YAP1: variants seen among roughly 807,000 people sequenced by gnomAD.
The protein encoded by YAP1 is transcriptional coactivator YAP1.
YAP1 carries 5 observed loss-of-function variants against 56.9 expected under a neutral mutation model. The ratio of observed to expected loss-of-function variants is 0.09; its 90% CI spans 0.05 to 0.18. YAP1 has a LOEUF of 0.18. YAP1 is among the 10% of genes least tolerant of loss of function. YAP1 has a pLI of 1.00. For synonymous variants in YAP1, 265 were observed against 248.1 expected, an observed-to-expected ratio of 1.07 and a Z score of -0.64; for missense variants, 539 against 651.8, an observed-to-expected ratio of 0.83 and a Z score of 1.88.
chr11:102,146,550 A>G lies in YAP1; in HGVS notation c.573-15906A>G, dbSNP rs111864740. On this transcript the variant is annotated intron_variant, in intron 2 of 8. Transcript: ENST00000282441. ...GTTTAAGGCTCTCAGATCTAACTCAAATGTGTCACCATCTTTTTCCTGTAG... is the reference window on the plus strand; with the variant it reads ...GTTTAAGGCTCTCAGATCTAACTCAGATGTGTCACCATCTTTTTCCTGTAG... Among the ~76,000 whole-genome samples, 386 of 152,264 alleles carry G rather than the reference A, an allele frequency of 2.5e-3. 1 individual carries two copies. The highest frequency in any genetic ancestry group is 9.1e-3 in the African/African-American group (379 of 41,554).
intron 2 of YAP1, among the ~76,000 whole-genome samples, chr11:102,120,394 A>G (rs761850425): frequency 2.0e-5 from 3 of 152,240 alleles, no homozygotes; most frequent in Admixed American, 6.5e-5. Flanking sequence ...ACCAAGTGAT[A>G]GTCTGTTGTT....
chr11:102,128,096 A>G (rs1944145059), intron 2 of YAP1, among the ~76,000 whole-genome samples: 1 of 152,022 alleles, frequency 6.6e-6, no homozygotes, highest in Non-Finnish European at 1.5e-5. Context: ...GAGACTTTGG[A>G]CTGTGGACTT....
intron 2 of YAP1, among the ~76,000 whole-genome samples, chr11:102,160,507 C>T (rs980495582): frequency 1.2e-4 from 19 of 152,136 alleles, no homozygotes; most frequent in African/African-American, 4.6e-4. Flanking sequence ...GTTCTGGATT[C>T]GTCTTAATAG....
chr11:102,209,131 A>G (rs906709043), intron 5 of YAP1, among the ~76,000 whole-genome samples: 4 of 152,208 alleles, frequency 2.6e-5, no homozygotes, highest in African/African-American at 9.7e-5. Flanking sequence ...TAATCACAAT[A>G]AATTCAGTAT....
chr11:102,142,753 AT>A (rs1363140426), intron 2 of YAP1, among the ~76,000 whole-genome samples: 2 of 151,920 alleles, frequency 1.3e-5, no homozygotes, highest in Non-Finnish European at 2.9e-5. Flanking sequence ...AAAACTTAGA[AT>A]TTTTTTTTAT....
chr11:102,133,152 G>A lies in YAP1; in HGVS notation c.572+18758G>A, dbSNP rs1483815843. Among the ~76,000 whole-genome samples the A allele has an allele frequency of 5.0e-5, 7 of 139,868 alleles. No homozygotes were observed. The South Asian group carries it at 1.0e-3, about 21-fold the overall frequency. 91.8% of individuals were successfully genotyped at this position (139,868 alleles called of 152,430 possible). On this transcript the variant is annotated intron_variant, in intron 2 of 8. Transcript: ENST00000282441. ...CAGCCTGGCAACAGAGTGAGACTCC[G>A]TCTCAAAAATAAATAAATAAACAAA...
At chr11:102,198,852 C>T (rs976988920) in intron 4 of YAP1, among the ~76,000 whole-genome samples, 3 of 151,882 alleles carry the variant, frequency 2.0e-5, no homozygotes, top group African/African-American at 7.3e-5. Flanking sequence ...GATGTTTCAC[C>T]GAAAGAGAAG....
intron 2 of YAP1, among the ~76,000 whole-genome samples, chr11:102,148,970 TGATA>T (rs1391286429): frequency 3.9e-5 from 6 of 152,178 alleles, no homozygotes; most frequent in East Asian, 1.9e-4. Flanking sequence ...TAGCTGCAAA[TGATA>T]GATAGAGCCT....
chr11:102,111,192 C>T lies in YAP1; in HGVS notation c.321+23C>T, dbSNP rs202139666. ...CAGGTAACCTCGTTGCCCCTCTCCC[C>T]GTTTCCCCGTCGGGCGGGCCTCAGA... On this transcript the variant is annotated intron_variant, in intron 1 of 8. Transcript: ENST00000282441. The T allele has an allele frequency of 9.6e-4, 1,539 of 1,610,386 alleles. 12 individuals are homozygous for T. The highest frequency in any genetic ancestry group is 5.5e-3 in the Middle Eastern group (33 of 6,044).
intron 2 of YAP1, among the ~76,000 whole-genome samples, chr11:102,144,495 A>G (rs1486590374): frequency 6.6e-6 from 1 of 152,212 alleles, no homozygotes. Context: ...AGAGCAGAAT[A>G]AGCTTCTGCT....
chr11:102,166,634 G>A (rs1432968415), intron 3 of YAP1, among the ~76,000 whole-genome samples: 1 of 152,202 alleles, frequency 6.6e-6, no homozygotes, highest in East Asian at 1.9e-4. Flanking sequence ...TGAAGGGAGT[G>A]TCTTCTGAGT....
At chr11:102,127,943 T>C (rs192576208) in intron 2 of YAP1, among the ~76,000 whole-genome samples, 125 of 152,322 alleles carry the variant, frequency 8.2e-4, no homozygotes, top group Admixed American at 4.3e-3. Context: ...ATGGGCCCTG[T>C]AACCCCTTTG....
chr11:102,195,464 G>C lies in YAP1; in HGVS notation c.802+9333G>C, dbSNP rs994883556. The stretch of plus-strand genomic sequence containing the variant: ...TTGGGGAGGCTGGGAGTTGGTGCTG[G>C]GGAAAAGGTTTGGCTGTGTCCCCAC... On this transcript the variant is annotated intron_variant, in intron 4 of 8. Coordinates refer to ENST00000282441, the MANE Select transcript of YAP1 (RefSeq NM_001130145.3). Among the ~76,000 whole-genome samples, 4 of 152,090 alleles carry C rather than the reference G, an allele frequency of 2.6e-5. No homozygotes were observed. In the South Asian group the frequency reaches 6.2e-4, roughly 24 times the overall value.
intron 1 of YAP1, among the ~76,000 whole-genome samples, chr11:102,113,698 C>T (rs1943107052): frequency 1.3e-5 from 2 of 151,660 alleles, no homozygotes; most frequent in Admixed American, 1.3e-4. Context: ...TGAGTTTGAC[C>T]TAGAAAAAAA....
intron 2 of YAP1, among the ~76,000 whole-genome samples, chr11:102,148,015 A>G (rs1195128105): frequency 1.5e-4 from 23 of 152,202 alleles, no homozygotes; most frequent in Admixed American, 1.5e-3. Flanking sequence ...GGATTTTGAA[A>G]GCATCTTTGA....
chr11:102,191,633 A>G (rs1364951317), intron 4 of YAP1, among the ~76,000 whole-genome samples: 3 of 152,154 alleles, frequency 2.0e-5, no homozygotes, highest in African/African-American at 7.2e-5. Context: ...ATCTTGAATA[A>G]GTTACCCAAA....
rs1442642786 is a variant in YAP1, at chr11:102,207,613, T to C, written c.984+1539T>C. Reference sequence around the variant, plus strand: ...TTGTTTTTTGGGTTTTTTTTAGGGCTGTATTTTAAAAGTATCTCTTGAGTG... The same window carrying C: ...TTGTTTTTTGGGTTTTTTTTAGGGCCGTATTTTAAAAGTATCTCTTGAGTG... On this transcript the variant is annotated intron_variant, in intron 5 of 8. Coordinates refer to ENST00000282441, the MANE Select transcript of YAP1 (RefSeq NM_001130145.3). 3.9e-5 allele frequency among the ~76,000 whole-genome samples: 6 copies of C among 152,108 alleles called. No individual in the cohort carries two copies. In the East Asian group the frequency reaches 1.2e-3, roughly 29 times the overall value.
intron 2 of YAP1, among the ~76,000 whole-genome samples, chr11:102,129,333 C>G (rs899110334): frequency 6.6e-6 from 1 of 152,008 alleles, no homozygotes; most frequent in Non-Finnish European, 1.5e-5. Context: ...AAAATACATT[C>G]ATCTGGGCCA....
At chr11:102,116,000 AGTTCTTT>A (rs1943262645) in intron 2 of YAP1, among the ~76,000 whole-genome samples, 1 of 152,320 alleles carries the variant, frequency 6.6e-6, no homozygotes, top group South Asian at 2.1e-4. Flanking sequence ...TCTTCTTCTT[AGTTCTTT>A]GTATCTTGTA....
Sources: gnomAD v4.1 joint callset for allele counts (sites outside exome capture counted in the v4.1 genomes callset) on GRCh38, gnomAD v4.1.1 for gene constraint, MANE v1.5 for transcripts, NCBI Gene and HGNC (gene_info 2026-07-23, HGNC 2026-07-21) for gene names.